NELL1: variants seen among roughly 807,000 people sequenced by gnomAD.
NELL1 encodes neural EGFL like 1, also known as protein kinase C-binding protein NELL1.
A neutral mutation model predicts 107.4 loss-of-function variants in NELL1; 76 were observed. The observed-to-expected ratio is 0.71, with a 90% CI of 0.59 to 0.86. NELL1 has a LOEUF of 0.86. NELL1 is among the 40% of genes least tolerant of loss of function. NELL1 has a pLI of 0.00. For synonymous variants in NELL1, 353 were observed against 341.2 expected (o/e 1.03, Z -0.38); for missense variants, 1,024 against 1,005.5 (o/e 1.02, Z -0.25).
intron 13 of NELL1, among the ~76,000 whole-genome samples, chr11:21,122,064 T>C (rs992083019): frequency 1.3e-5 from 2 of 152,206 alleles, no homozygotes; most frequent in Admixed American, 6.5e-5. Context: ...TTTTGTTGGG[T>C]TTAAGTGGGA....
rs1227769851 is a variant in NELL1, at chr11:21,271,769, C to T, written c.1549+42315C>T. On this transcript the variant is annotated intron_variant, in intron 14 of 19. Coordinates refer to ENST00000357134, the MANE Select transcript of NELL1 (RefSeq NM_006157.5). ...ACTCCGACAGTTATTTAAAAAAATA[C>T]ACCATAACCAGGCGGTGTATATTAT... Among the ~76,000 whole-genome samples the T allele has an allele frequency of 2.6e-5, 4 of 152,104 alleles. No individual in the cohort carries two copies. In the East Asian group the frequency reaches 7.7e-4, roughly 29 times the overall value.
rs539416570 is a variant in NELL1, at chr11:20,940,541, A to G, written c.1071+2682A>G. Among the ~76,000 whole-genome samples the G allele has an allele frequency of 3.9e-5, 6 of 152,024 alleles. No homozygotes were observed. In the East Asian group the frequency reaches 1.2e-3, roughly 30 times the overall value. On this transcript the variant is annotated intron_variant, in intron 10 of 19. Transcript: ENST00000357134. The stretch of plus-strand genomic sequence containing the variant: ...TGGGATTACAGGTGTGAGCCACTGC[A>G]CCTGGCCCCTTGGGCTTCTTTGTAC...
chr11:21,553,043 A>G (rs1208915210), intron 16 of NELL1, among the ~76,000 whole-genome samples: 1 of 151,880 alleles, frequency 6.6e-6, no homozygotes, highest in Non-Finnish European at 1.5e-5. Context: ...GAATTGCTGT[A>G]TTGACAATGT....
chr11:20,950,166 A>G (rs935702738), intron 11 of NELL1, among the ~76,000 whole-genome samples: 3 of 152,200 alleles, frequency 2.0e-5, no homozygotes, highest in Non-Finnish European at 4.4e-5. Context: ...TTTCAGAAAC[A>G]TCTACTATCA....
At chr11:21,146,921 G>A (rs982466398) in intron 13 of NELL1, among the ~76,000 whole-genome samples, 1 of 152,150 alleles carries the variant, frequency 6.6e-6, no homozygotes, top group African/African-American at 2.4e-5. Flanking sequence ...GCGTGTGACT[G>A]TAGTCCCAGC....
intron 2 of NELL1, among the ~76,000 whole-genome samples, chr11:20,701,119 C>T (rs1201609493): frequency 6.6e-6 from 1 of 152,136 alleles, no homozygotes; most frequent in Non-Finnish European, 1.5e-5. Context: ...GTTTACAGCC[C>T]CACCAACAGT....
At chr11:21,103,038 G>C (rs1486764408) in intron 12 of NELL1, among the ~76,000 whole-genome samples, 2 of 152,142 alleles carry the variant, frequency 1.3e-5, no homozygotes, top group Admixed American at 6.5e-5. Context: ...AAAAAGTAAC[G>C]TAACTAGTCT....
At chr11:21,204,909 G>C (rs1459225159) in intron 13 of NELL1, among the ~76,000 whole-genome samples, 2 of 152,160 alleles carry the variant, frequency 1.3e-5, no homozygotes, top group Non-Finnish European at 2.9e-5. Flanking sequence ...GTCCACTCCA[G>C]ACCCTGTTTG....
At chr11:21,224,549 T>G (rs1857844660) in intron 13 of NELL1, among the ~76,000 whole-genome samples, 1 of 152,196 alleles carries the variant, frequency 6.6e-6, no homozygotes, top group Admixed American at 6.5e-5. Flanking sequence ...ATAGGTTTTC[T>G]ATGCCATTTC....
chr11:21,573,933 C>A (rs1397619342), intron 19 of NELL1, among the ~76,000 whole-genome samples: 2 of 151,800 alleles, frequency 1.3e-5, no homozygotes. Flanking sequence ...AAGGTGGGGA[C>A]CTGCAGCTCT....
At chr11:21,342,873 C>T (rs568508134) in intron 14 of NELL1, among the ~76,000 whole-genome samples, 106 of 152,132 alleles carry the variant, frequency 7.0e-4, no homozygotes, top group Non-Finnish European at 1.3e-3. Flanking sequence ...TTTTCCATTA[C>T]TCTTTATATC....
intron 14 of NELL1, among the ~76,000 whole-genome samples, chr11:21,235,045 T>C (rs556710045): frequency 1.2e-4 from 19 of 152,136 alleles, no homozygotes; most frequent in Non-Finnish European, 1.6e-4. Context: ...GCAAGTGGAA[T>C]AGGAAGCCTT....
At position 20,858,983 on chromosome 11, in the gene NELL1, G is replaced by A. The variant is rs764518820; in HGVS notation, c.506+11230G>A. On this transcript the variant is annotated intron_variant, in intron 4 of 19. Transcript: ENST00000357134. Reference sequence around the variant, plus strand: ...CTTGGCGGCTGCATTATTACCCAGAGATGAAAAATTAGCCTGCATTTTGCC... The same window carrying A: ...CTTGGCGGCTGCATTATTACCCAGAAATGAAAAATTAGCCTGCATTTTGCC... 6.6e-5 allele frequency among the ~76,000 whole-genome samples: 10 copies of A among 152,312 alleles called. 1 individual carries two copies. The South Asian group carries it at 1.2e-3, about 19-fold the overall frequency.
At chr11:20,910,746 C>T (rs1345485969) in intron 5 of NELL1, among the ~76,000 whole-genome samples, 1 of 152,210 alleles carries the variant, frequency 6.6e-6, no homozygotes, top group East Asian at 1.9e-4. Context: ...AGCTCTCATT[C>T]AGCAAGTGCT....
At chr11:21,348,835 T>C (rs1433563335) in intron 14 of NELL1, among the ~76,000 whole-genome samples, 1 of 152,186 alleles carries the variant, frequency 6.6e-6, no homozygotes, top group African/African-American at 2.4e-5. Context: ...TAGGAAACTT[T>C]CTGGAGGAGA....
intron 15 of NELL1, among the ~76,000 whole-genome samples, chr11:21,475,861 T>G (rs1212546542): frequency 6.6e-6 from 1 of 152,210 alleles, no homozygotes; most frequent in Non-Finnish European, 1.5e-5. Flanking sequence ...ATCCAGAATT[T>G]CATACTGGAT....
At chr11:21,369,362 ATTTTTTTTT>A (rs34302489) in intron 14 of NELL1, among the ~76,000 whole-genome samples, 2 of 110,414 alleles carry the variant, frequency 1.8e-5, no homozygotes, top group South Asian at 3.0e-4. Flanking sequence ...GGTAGGTACT[ATTTTTTTTT>A]TTTTTTTTTT....
intron 13 of NELL1, among the ~76,000 whole-genome samples, chr11:21,221,454 G>A (rs1443792248): frequency 1.3e-5 from 2 of 152,104 alleles, no homozygotes; most frequent in Non-Finnish European, 2.9e-5. Flanking sequence ...AGAAGAATTG[G>A]TAGTTAATTA....
At chr11:20,843,923 T>C (rs1361236539) in intron 3 of NELL1, among the ~76,000 whole-genome samples, 1 of 152,150 alleles carries the variant, frequency 6.6e-6, no homozygotes, top group Admixed American at 6.5e-5. Context: ...ATGTTGATTC[T>C]GGGTAGGGTC....
Sources: gnomAD v4.1 joint callset for allele counts (sites outside exome capture counted in the v4.1 genomes callset) on GRCh38, gnomAD v4.1.1 for gene constraint, MANE v1.5 for transcripts, NCBI Gene and HGNC (gene_info 2026-07-23, HGNC 2026-07-21) for gene names.